CNTNAP5: variants seen among roughly 807,000 people sequenced by gnomAD.
CNTNAP5 encodes contactin-associated protein-like 5.
CNTNAP5 carries 72 observed loss-of-function variants against 150.2 expected under a neutral mutation model. That is an observed-to-expected ratio of 0.48 (90% CI 0.40 to 0.58). CNTNAP5 has a LOEUF of 0.58. Ranked by LOEUF, CNTNAP5 falls within the 20% of genes least tolerant of loss-of-function variation. CNTNAP5 has a pLI of 0.00. For missense variants in CNTNAP5, 1,636 were observed against 1,626.2 expected (o/e 1.01, Z -0.10); for synonymous variants, 672 against 619.8 (o/e 1.08, Z -1.25).
intron 1 of CNTNAP5, among the ~76,000 whole-genome samples, chr2:124,111,716 A>C (rs77254877): frequency 0.011 from 1,676 of 152,322 alleles, 39 homozygotes; most frequent in African/African-American, 0.038. Flanking sequence ...TGGCATAAAA[A>C]TTTCTATGAC....
At chr2:124,786,024 T>C (rs182807315) in intron 17 of CNTNAP5, among the ~76,000 whole-genome samples, 2 of 152,114 alleles carry the variant, frequency 1.3e-5, no homozygotes, top group African/African-American at 2.4e-5. Flanking sequence ...TTGCTCGAGC[T>C]CAGCGTTTTG....
At chr2:124,550,641 C>A (rs1279670957) in intron 10 of CNTNAP5, among the ~76,000 whole-genome samples, 2 of 152,146 alleles carry the variant, frequency 1.3e-5, no homozygotes, top group East Asian at 3.9e-4. Flanking sequence ...ACTAACCCAA[C>A]CAGATTTCTC....
intron 13 of CNTNAP5, among the ~76,000 whole-genome samples, chr2:124,741,019 C>T (rs1680487067): frequency 6.6e-6 from 1 of 152,100 alleles, no homozygotes; most frequent in Admixed American, 6.5e-5. Context: ...TTTACTCCAC[C>T]CCTAAACCCA....
At chr2:124,154,611 T>C (rs369944217) in intron 1 of CNTNAP5, among the ~76,000 whole-genome samples, 2 of 152,280 alleles carry the variant, frequency 1.3e-5, no homozygotes, top group African/African-American at 4.8e-5. Context: ...ACTTTTCCAA[T>C]GAAGAAAGGT....
intron 10 of CNTNAP5, among the ~76,000 whole-genome samples, chr2:124,538,801 CA>C (rs1166313996): frequency 2.6e-5 from 4 of 152,096 alleles, no homozygotes; most frequent in Admixed American, 2.6e-4. Context: ...TTATGTGAAG[CA>C]GAGAACATTC....
rs542018591 is a variant in CNTNAP5 at position 124,859,998 on chromosome 2, T to A, written c.3218-5308T>A. On this transcript the variant is annotated intron_variant, in intron 19 of 23. Coordinates refer to ENST00000682447, the MANE Select transcript of CNTNAP5 (RefSeq NM_001367498.1). ...GAGTGCAGCACACCAACATGGCACG[T>A]GTATACATATGTAACAAACCTGTAC... Among the ~76,000 whole-genome samples, 404 of 152,004 alleles carry A rather than the reference T, an allele frequency of 2.7e-3. 2 individuals are homozygous for A. Among genetic ancestry groups the A allele is most frequent in the African/African-American group, 8.3e-3 (345 of 41,464 alleles).
chr2:124,363,135 C>T (rs575437737), intron 3 of CNTNAP5, among the ~76,000 whole-genome samples: 11 of 152,296 alleles, frequency 7.2e-5, no homozygotes, highest in African/African-American at 2.6e-4. Flanking sequence ...ATATTAATTG[C>T]CCTGTTGCTG....
chr2:124,454,752 T>C (rs1287447250), intron 6 of CNTNAP5, among the ~76,000 whole-genome samples: 1 of 152,004 alleles, frequency 6.6e-6, no homozygotes, highest in African/African-American at 2.4e-5. Flanking sequence ...TTCAAAACCA[T>C]GCAAATACAT....
intron 13 of CNTNAP5, among the ~76,000 whole-genome samples, chr2:124,702,189 C>T (rs1049364131): frequency 6.6e-6 from 1 of 151,808 alleles, no homozygotes; most frequent in Non-Finnish European, 1.5e-5. Flanking sequence ...CACAACAAAA[C>T]CAAATTCTTC....
At chr2:124,737,884 T>C (rs1680419815) in intron 13 of CNTNAP5, among the ~76,000 whole-genome samples, 1 of 151,974 alleles carries the variant, frequency 6.6e-6, no homozygotes, top group African/African-American at 2.4e-5. Flanking sequence ...ATTTACCTCA[T>C]AGTGTTGTTG....
chr2:124,361,549 T>A (rs992529900), intron 3 of CNTNAP5, among the ~76,000 whole-genome samples: 1 of 145,602 alleles, frequency 6.9e-6, no homozygotes, highest in Non-Finnish European at 1.5e-5. Flanking sequence ...CAGCTGCAGG[T>A]CTGTTGGAAT....
chr2:124,794,582 C>A (rs1308131537), intron 18 of CNTNAP5, among the ~76,000 whole-genome samples: 1 of 152,048 alleles, frequency 6.6e-6, no homozygotes, highest in Non-Finnish European at 1.5e-5. Flanking sequence ...TTACATATTG[C>A]CAAAAACCTG....
chr2:124,851,133 G>A (rs967092675), intron 19 of CNTNAP5, among the ~76,000 whole-genome samples: 2 of 152,158 alleles, frequency 1.3e-5, no homozygotes, highest in South Asian at 2.1e-4. Flanking sequence ...GGGAGGCCGA[G>A]GCAGGTGGGC....
At chr2:124,877,039 T>G (rs954956325) in intron 21 of CNTNAP5, among the ~76,000 whole-genome samples, 2 of 152,162 alleles carry the variant, frequency 1.3e-5, no homozygotes, top group Non-Finnish European at 2.9e-5. Flanking sequence ...TGTTATTTTT[T>G]TCCTTTAACA....
chr2:124,036,230 G>A (rs1681216071), intron 1 of CNTNAP5, among the ~76,000 whole-genome samples: 2 of 152,228 alleles, frequency 1.3e-5, no homozygotes, highest in East Asian at 3.9e-4. Context: ...GGCCTCCCAG[G>A]ATGAACTCTT....
chr2:124,633,084 G>A (rs80144008), intron 12 of CNTNAP5, among the ~76,000 whole-genome samples: 1 of 151,910 alleles, frequency 6.6e-6, no homozygotes, highest in African/African-American at 2.4e-5. Flanking sequence ...ATTTGGGCAG[G>A]GACACAGCTC....
intron 20 of CNTNAP5, among the ~76,000 whole-genome samples, chr2:124,867,701 T>G (rs1189655006): frequency 8.5e-6 from 1 of 118,218 alleles, no homozygotes. Context: ...CTTCTGCTTT[T>G]GATCTACACT....
chr2:124,913,473 T>C (rs988758788), intron 23 of CNTNAP5, among the ~76,000 whole-genome samples: 15 of 152,066 alleles, frequency 9.9e-5, no homozygotes, highest in African/African-American at 3.6e-4. Context: ...GCCATCTCAG[T>C]TGACTTTGAG....
intron 12 of CNTNAP5, among the ~76,000 whole-genome samples, chr2:124,635,936 T>C (rs1677960911): frequency 6.6e-6 from 1 of 152,216 alleles, no homozygotes; most frequent in Non-Finnish European, 1.5e-5. Context: ...GTAGGAGACA[T>C]TGACTGATTG....
Sources: allele counts gnomAD v4.1 joint callset (sites outside exome capture counted in the v4.1 genomes callset), GRCh38; gene constraint gnomAD v4.1.1; transcripts MANE v1.5; gene names NCBI Gene and HGNC (gene_info 2026-07-23, HGNC 2026-07-21).